Variants in LRRTM4 observed in about 807,000 individuals in gnomAD.
LRRTM4 encodes leucine rich repeat transmembrane neuronal 4.
Under a neutral mutation model 47.6 loss-of-function variants are expected in LRRTM4, and 25 were observed. That is an observed-to-expected ratio of 0.53 (90% CI 0.38 to 0.73). The LOEUF is 0.73. Among genes scored for constraint, LRRTM4 ranks in the 30% least tolerant of loss-of-function variants. LRRTM4 has a pLI of 0.00. For missense variants in LRRTM4, 638 were observed against 713.4 expected, an observed-to-expected ratio of 0.89 and a Z score of 1.20; for synonymous variants, 311 against 269.5, an observed-to-expected ratio of 1.15 and a Z score of -1.51.
At chr2:76,804,759 TAAC>T (rs139086813) in intron 3 of LRRTM4, among the ~76,000 whole-genome samples, 4,483 of 149,178 alleles carry the variant, frequency 0.03, 210 homozygotes, top group African/African-American at 0.09. Context: ...CATTGTTTTA[TAAC>T]AATATATATA....
intron 3 of LRRTM4, among the ~76,000 whole-genome samples, chr2:76,967,107 C>T (rs1399020719): frequency 1.3e-5 from 2 of 151,152 alleles, no homozygotes; most frequent in Non-Finnish European, 3.0e-5. Context: ...GCTGTTTCTA[C>T]CTGTTATGCC....
At chr2:77,071,226 T>G (rs577514546) in intron 3 of LRRTM4, among the ~76,000 whole-genome samples, 2 of 152,346 alleles carry the variant, frequency 1.3e-5, no homozygotes, top group South Asian at 4.1e-4. Flanking sequence ...ATTTAGATTC[T>G]ATACAATAAT....
At chr2:77,353,740 AATT>A (rs1158971012) in intron 3 of LRRTM4, among the ~76,000 whole-genome samples, 2 of 152,070 alleles carry the variant, frequency 1.3e-5, no homozygotes, top group Non-Finnish European at 2.9e-5. Context: ...TGTCCAACCA[AATT>A]ATTATCTAAG....
At chr2:77,411,475 C>T (rs1408000749) in intron 3 of LRRTM4, among the ~76,000 whole-genome samples, 7 of 114,690 alleles carry the variant, frequency 6.1e-5, no homozygotes, top group East Asian at 2.7e-4. Context: ...TTTTTTGAGA[C>T]GGAGTCTTGC....
chr2:76,954,665 A>C (rs1022610445), intron 3 of LRRTM4, among the ~76,000 whole-genome samples: 1 of 151,850 alleles, frequency 6.6e-6, no homozygotes, highest in Non-Finnish European at 1.5e-5. Context: ...TGGGGAAAGA[A>C]ATGAAAGTCC....
chr2:77,517,959 A>G (rs1186642213), intron 3 of LRRTM4: 1 of 1,016,466 alleles, frequency 9.8e-7, no homozygotes, highest in South Asian at 4.6e-5. Flanking sequence ...ACTCCATTAC[A>G]ACAGTCAAAC....
rs1671042067 is a variant in LRRTM4, at chr2:77,333,409, T to C, written c.1551+184909A>G. 2.0e-5 allele frequency among the ~76,000 whole-genome samples: 3 copies of C among 152,162 alleles called. No individual in the cohort carries two copies. The South Asian group carries it at 6.2e-4, about 31-fold the overall frequency. ...TTTGACCAAAATGCTGATAATGATA[T>C]GGACAATGAAATCCAGGCTGATGTG... On this transcript the variant is annotated intron_variant, in intron 3 of 3. Coordinates refer to ENST00000409884, the MANE Select transcript of LRRTM4 (RefSeq NM_001134745.3).
intron 3 of LRRTM4, among the ~76,000 whole-genome samples, chr2:77,150,934 C>T (rs551311118): frequency 4.3e-4 from 66 of 152,226 alleles, no homozygotes; most frequent in Non-Finnish European, 7.2e-4. Flanking sequence ...TCTCTTCTCA[C>T]CTTCCATTTA....
intron 3 of LRRTM4, among the ~76,000 whole-genome samples, chr2:77,124,573 C>T (rs913382327): frequency 5.3e-5 from 8 of 152,110 alleles, no homozygotes; most frequent in Admixed American, 3.9e-4. Context: ...GTATCAAAGT[C>T]ACATCATCAC....
At chr2:77,282,232 C>T (rs1231531696) in intron 3 of LRRTM4, among the ~76,000 whole-genome samples, 1 of 151,714 alleles carries the variant, frequency 6.6e-6, no homozygotes, top group Non-Finnish European at 1.5e-5. Context: ...TGATTTAGCT[C>T]TCAGCTTCAA....
intron 3 of LRRTM4, among the ~76,000 whole-genome samples, chr2:77,013,625 T>C (rs1249336778): frequency 4.6e-5 from 7 of 152,164 alleles, no homozygotes. Context: ...CAATAGTCTT[T>C]GGCTTGTCTT....
At chr2:77,306,436 C>T (rs1185564126) in intron 3 of LRRTM4, among the ~76,000 whole-genome samples, 9 of 152,106 alleles carry the variant, frequency 5.9e-5, no homozygotes, top group African/African-American at 1.9e-4. Flanking sequence ...ATTGCCAAAC[C>T]CTAAACTTAA....
intron 3 of LRRTM4, among the ~76,000 whole-genome samples, chr2:77,209,031 C>A (rs772958850): frequency 6.6e-6 from 1 of 152,134 alleles, no homozygotes; most frequent in Non-Finnish European, 1.5e-5. Context: ...GCCTTCCCCT[C>A]CCTTTCTATT....
rs1461774183 is a variant in LRRTM4 at position 77,214,512 on chromosome 2, C to T, written c.1551+303806G>A. On this transcript the variant is annotated intron_variant, in intron 3 of 3. Coordinates refer to ENST00000409884, the MANE Select transcript of LRRTM4 (RefSeq NM_001134745.3). ...GTACAATGGCAGAACATAACTGAGGCCTCCTTAAATAGGCTCTGATATGCT... is the reference window on the plus strand; with the variant it reads ...GTACAATGGCAGAACATAACTGAGGTCTCCTTAAATAGGCTCTGATATGCT... Among the ~76,000 whole-genome samples the T allele has an allele frequency of 3.3e-5, 5 of 152,112 alleles. No individual in the cohort carries two copies. The East Asian group carries it at 7.8e-4, about 24-fold the overall frequency.
intron 3 of LRRTM4, among the ~76,000 whole-genome samples, chr2:77,020,222 TAAA>T (rs1678218254): frequency 6.6e-6 from 1 of 151,822 alleles, no homozygotes; most frequent in Admixed American, 6.6e-5. Context: ...TTTGGAAAAA[TAAA>T]AAATAAAAAC....
At chr2:77,032,480 C>A (rs1482911144) in intron 3 of LRRTM4, among the ~76,000 whole-genome samples, 1 of 152,018 alleles carries the variant, frequency 6.6e-6, no homozygotes, top group Non-Finnish European at 1.5e-5. Context: ...TAGTTTTGTT[C>A]ACGTTGCCAT....
intron 3 of LRRTM4, among the ~76,000 whole-genome samples, chr2:77,122,558 A>G (rs947832824): frequency 6.6e-6 from 1 of 151,036 alleles, no homozygotes; most frequent in African/African-American, 2.4e-5. Context: ...ACATACACAT[A>G]TATATAATCT....
At chr2:77,137,139 C>T (rs1237221512) in intron 3 of LRRTM4, among the ~76,000 whole-genome samples, 1 of 151,758 alleles carries the variant, frequency 6.6e-6, no homozygotes, top group African/African-American at 2.4e-5. Flanking sequence ...CACAAAGATA[C>T]TCCTCAAGAA....
At chr2:76,847,875 C>T (rs865871928) in intron 3 of LRRTM4, among the ~76,000 whole-genome samples, 24 of 151,946 alleles carry the variant, frequency 1.6e-4, no homozygotes, top group African/African-American at 5.1e-4. Context: ...AATCTTCTTC[C>T]TTGCATATAC....
Sources: allele counts gnomAD v4.1 joint callset (sites outside exome capture counted in the v4.1 genomes callset), GRCh38; gene constraint gnomAD v4.1.1; transcripts MANE v1.5; gene names NCBI Gene and HGNC (gene_info 2026-07-23, HGNC 2026-07-21).